STAT4: variants seen among roughly 807,000 people sequenced by gnomAD.
STAT4 encodes the protein signal transducer and activator of transcription 4.
A neutral mutation model predicts 110.5 loss-of-function variants in STAT4; 42 were observed. The ratio of observed to expected loss-of-function variants is 0.38; its 90% confidence interval spans 0.30 to 0.49. STAT4 has a LOEUF of 0.49. Among genes scored for constraint, STAT4 ranks in the 20% least tolerant of loss-of-function variants. STAT4 has a pLI of 0.95. For synonymous variants in STAT4, 284 were observed against 302.2 expected, an observed-to-expected ratio of 0.94 and a Z score of 0.63; for missense variants, 632 against 887.9, an observed-to-expected ratio of 0.71 and a Z score of 3.66.
intron 13 of STAT4, 46 bp from the exon 14 acceptor site, chr2:191,054,580 G>A: frequency 6.4e-7 from 1 of 1,562,804 alleles, no homozygotes; most frequent in South Asian, 1.1e-5. Flanking sequence ...AGCATTATCA[G>A]CTACATATTA....
intron 3 of STAT4, among the ~76,000 whole-genome samples, chr2:191,076,668 C>CA (rs1372409477): frequency 1.5e-5 from 2 of 137,566 alleles, no homozygotes; most frequent in Admixed American, 7.5e-5. Context: ...TTTTTTGAGA[C>CA]AGAGTTTCAG....
intron 3 of STAT4, among the ~76,000 whole-genome samples, chr2:191,134,750 T>C (rs144318824): frequency 1.3e-5 from 2 of 152,130 alleles, no homozygotes; most frequent in East Asian, 3.9e-4. Flanking sequence ...CACAATAGAA[T>C]AAAACCAGAA....
chr2:191,133,804 A>G (rs1699106028), intron 3 of STAT4, among the ~76,000 whole-genome samples: 6 of 151,768 alleles, frequency 4.0e-5, no homozygotes, highest in Admixed American at 3.9e-4. Context: ...AAATGAGTTG[A>G]AAACTTACTC....
chr2:191,066,566 A>T lies in STAT4; in HGVS notation c.545-51T>A. The stretch of plus-strand genomic sequence containing the variant: ...AGAGTTCTCTCTATTCCTGAAAGTC[A>T]AGTCAGCCTCAATCCACCATCCTAA... On this transcript the variant is annotated intron_variant, in intron 6 of 23. Coordinates refer to ENST00000392320, the MANE Select transcript of STAT4 (RefSeq NM_003151.4). This position sits in a 1 kb window ranked among gnomAD's most constrained non-coding sequence, Gnocchi z 4.3. The T allele has an allele frequency of 6.4e-7, 1 of 1,562,550 alleles. No individual in the cohort carries two copies. The highest frequency in any genetic ancestry group is 8.8e-7 in the Non-Finnish European group (1 of 1,139,368).
At chr2:191,045,532 C>G (rs1041226249) in intron 14 of STAT4, among the ~76,000 whole-genome samples, 5 of 152,114 alleles carry the variant, frequency 3.3e-5, no homozygotes, top group African/African-American at 4.8e-5. Context: ...CCAGAAAAGT[C>G]AGGGTGGGGG....
intron 14 of STAT4, among the ~76,000 whole-genome samples, chr2:191,044,129 T>C (rs1696283575): frequency 6.6e-6 from 1 of 152,170 alleles, no homozygotes. Flanking sequence ...TTTATGTTTT[T>C]ACATGTTTTC....
rs977051215 is a variant in STAT4, at chr2:191,037,340, G to C, written c.1435-1041C>G. The stretch of plus-strand genomic sequence containing the variant: ...CATAATTAAAAAAAACAAAAACAGA[G>C]AAATGATCTCGCTCTGTTGCTCAAG... On this transcript the variant is annotated intron_variant, in intron 16 of 23. Transcript: ENST00000392320. The surrounding 1 kb of genome is among the most constrained non-coding windows in gnomAD (Gnocchi z 4.8). Among the ~76,000 whole-genome samples the C allele has an allele frequency of 1.1e-4, 16 of 152,054 alleles. No homozygotes were observed. Among genetic ancestry groups the C allele is most frequent in the African/African-American group, 3.9e-4 (16 of 41,402 alleles).
chr2:191,072,707 GA>G (rs1005576521), intron 5 of STAT4, among the ~76,000 whole-genome samples: 2 of 151,974 alleles, frequency 1.3e-5, no homozygotes, highest in South Asian at 2.1e-4. Flanking sequence ...GGAAAAAAGA[GA>G]AAAAAATTTA....
At chr2:191,097,956 A>T (rs1698050681) in intron 3 of STAT4, among the ~76,000 whole-genome samples, 1 of 152,234 alleles carries the variant, frequency 6.6e-6, no homozygotes, top group Non-Finnish European at 1.5e-5. Flanking sequence ...GGCAAAGGAT[A>T]TGAACAGACA....
rs1435170984 is a variant in STAT4 at position 191,147,680 on chromosome 2, T to TA, written c.128+395dup. Among the ~76,000 whole-genome samples the TA allele has an allele frequency of 9.2e-5, 14 of 152,068 alleles. No individual in the cohort carries two copies. Among genetic ancestry groups the TA allele is most frequent in the Non-Finnish European group, 1.2e-4 (8 of 67,980 alleles). On this transcript the variant is annotated intron_variant, in intron 2 of 23. Transcript: ENST00000392320. The surrounding 1 kb of genome is among the most constrained non-coding windows in gnomAD (Gnocchi z 4.1). The stretch of plus-strand genomic sequence containing the variant: ...TTATGTTATGTGTATTTTACCACAA[T>TA]AAAAAAGATGGCTGAAAAAAATTAA...
chr2:191,084,256 C>T lies in STAT4; in HGVS notation c.274-7931G>A, dbSNP rs142187377. Among the ~76,000 whole-genome samples the T allele has an allele frequency of 7.7e-3, 1,151 of 148,796 alleles. 17 individuals are homozygous for T. Among genetic ancestry groups the T allele is most frequent in the African/African-American group, 0.027 (1,089 of 40,266 alleles). On this transcript the variant is annotated intron_variant, in intron 3 of 23. Coordinates refer to ENST00000392320, the MANE Select transcript of STAT4 (RefSeq NM_003151.4). Reference sequence around the variant, plus strand: ...CAGCCTGGGTGACGGAGCAAGACTCCGTCTAAAAAAAAAAAAAATAGAACT... The same window carrying T: ...CAGCCTGGGTGACGGAGCAAGACTCTGTCTAAAAAAAAAAAAAATAGAACT...
Position 191,039,219 on chromosome 2 carries a change from C to G in STAT4, c.1414G>C (p.Val472Leu). Reference protein sequence around the residue: ...NAWASIIWYNVSTNDSQNLVF... With the variant: ...NAWASIIWYNLSTNDSQNLVF... ...TCTACCTGGGAATCGTTGGTTGACACGTTGTACCAAATGATGGATGCCCAA... is the reference window on the plus strand; with the variant it reads ...TCTACCTGGGAATCGTTGGTTGACAGGTTGTACCAAATGATGGATGCCCAA... The change falls in exon 16 of 24, where the codon GTG (valine) becomes CTG (leucine). Residue 472 changes from valine (V) to leucine (L), a missense_variant. Physicochemically the swap from Val to Leu is conservative, Grantham distance 32. Around this residue, in one of 4 missense-constraint regions of STAT4, gnomAD observed 488 missense variants for 632.8 expected, o/e 0.77. Coordinates refer to ENST00000392320, the MANE Select transcript of STAT4 (RefSeq NM_003151.4). This position sits in a 1 kb window ranked among gnomAD's most constrained non-coding sequence, Gnocchi z 4.7. 1 of 1,614,146 alleles carries G rather than the reference C, an allele frequency of 6.2e-7. No homozygotes were observed. Among genetic ancestry groups the G allele is most frequent in the Non-Finnish European group, 8.5e-7 (1 of 1,180,002 alleles).
rs1368844037 is a variant in STAT4 at position 191,060,512 on chromosome 2, G to A, written c.1034+1217C>T. ...CAGTGTACTGCAACCTCTACCTACT[G>A]GGTTCAAGCGATTCTCCTGCCTCAG... On this transcript the variant is annotated intron_variant, in intron 10 of 23. Coordinates refer to ENST00000392320, the MANE Select transcript of STAT4 (RefSeq NM_003151.4). This position sits in a 1 kb window ranked among gnomAD's most constrained non-coding sequence, Gnocchi z 4.5. Among the ~76,000 whole-genome samples the A allele has an allele frequency of 6.6e-6, 1 of 152,188 alleles. No homozygotes were observed. Among genetic ancestry groups the A allele is most frequent in the Non-Finnish European group, 1.5e-5 (1 of 68,024 alleles).
Position 191,051,312 on chromosome 2 carries a change from G to A in STAT4, c.1251+3178C>T, listed in dbSNP as rs191959661. Among the ~76,000 whole-genome samples the A allele has an allele frequency of 2.3e-4, 35 of 152,134 alleles. No homozygotes were observed. Among genetic ancestry groups the A allele is most frequent in the Non-Finnish European group, 3.8e-4 (26 of 68,012 alleles). On this transcript the variant is annotated intron_variant, in intron 14 of 23. Coordinates refer to ENST00000392320, the MANE Select transcript of STAT4 (RefSeq NM_003151.4). The surrounding 1 kb of genome is among the most constrained non-coding windows in gnomAD (Gnocchi z 5.6). ...CATCTGTGTAGACACCTGCTCCCTC[G>A]AGAGGAGGCTGATCTGTAAATGCCA...
intron 3 of STAT4, among the ~76,000 whole-genome samples, chr2:191,081,542 C>T (rs973077845): frequency 1.3e-5 from 2 of 152,112 alleles, no homozygotes; most frequent in Non-Finnish European, 2.9e-5. Context: ...TGCTAACTGG[C>T]GTGAGATGGT....
At chr2:191,108,459 G>A (rs1209918509) in intron 3 of STAT4, among the ~76,000 whole-genome samples, 2 of 152,152 alleles carry the variant, frequency 1.3e-5, no homozygotes, top group Admixed American at 1.3e-4. Context: ...TTGCACATAT[G>A]ATGCGTTGAG....
intron 13 of STAT4, among the ~76,000 whole-genome samples, chr2:191,054,837 C>G (rs1696633933): frequency 6.6e-6 from 1 of 152,144 alleles, no homozygotes; most frequent in Non-Finnish European, 1.5e-5. Flanking sequence ...TACAGCACTC[C>G]TTGGCGCCTG....
chr2:191,121,246 G>A (rs1298975072), intron 3 of STAT4, among the ~76,000 whole-genome samples: 5 of 152,258 alleles, frequency 3.3e-5, no homozygotes, highest in African/African-American at 7.2e-5. Context: ...CAGTTAGAAT[G>A]GCAATCATTA....
chr2:191,065,656 A>T (rs977904389), intron 7 of STAT4, among the ~76,000 whole-genome samples: 1 of 152,120 alleles, frequency 6.6e-6, no homozygotes, highest in Non-Finnish European at 1.5e-5. Context: ...AAAACATTAA[A>T]TTTTTTCTTG....
Sources: gnomAD v4.1 joint callset for allele counts (sites outside exome capture counted in the v4.1 genomes callset) on GRCh38, gnomAD v4.1.1 for gene constraint, gnomAD v4.1.1 regional missense constraint, Gnocchi (gnomAD v3.1) non-coding constraint, MANE v1.5 for transcripts, NCBI Gene and HGNC (gene_info 2026-07-23, HGNC 2026-07-21) for gene names.